The following TCF12 variants were observed in gnomAD, a reference collection of about 807,000 sequenced individuals.
The protein encoded by TCF12 is DNA-binding protein HTF4.
Under a neutral mutation model 86.0 loss-of-function variants are expected in TCF12, and 45 were observed. That is an observed-to-expected ratio of 0.52 (90% CI 0.41 to 0.67). The LOEUF is 0.67. TCF12 is among the 30% of genes least tolerant of loss of function. TCF12 has a pLI of 0.00. For synonymous variants in TCF12, 330 were observed against 299.6 expected, an observed-to-expected ratio of 1.10 and a Z score of -1.05; for missense variants, 881 against 859.9, an observed-to-expected ratio of 1.02 and a Z score of -0.31.
At chr15:57,011,344 C>T (rs1305022363) in intron 3 of TCF12, among the ~76,000 whole-genome samples, 3 of 151,904 alleles carry the variant, frequency 2.0e-5, no homozygotes, top group South Asian at 2.1e-4. Context: ...GGGATCCACC[C>T]CCTCTTGTTC....
intron 5 of TCF12, among the ~76,000 whole-genome samples, chr15:57,100,281 G>GAA (rs2049635719): frequency 6.6e-6 from 1 of 152,162 alleles, no homozygotes; most frequent in Non-Finnish European, 1.5e-5. Context: ...TAGCTTTACA[G>GAA]TTCTGCTATA....
chr15:57,194,589 T>C (rs1320074812), intron 7 of TCF12, among the ~76,000 whole-genome samples: 1 of 152,196 alleles, frequency 6.6e-6, no homozygotes, highest in Non-Finnish European at 1.5e-5. Context: ...ACAAACTATT[T>C]AGGTGCTTTA....
intron 5 of TCF12, among the ~76,000 whole-genome samples, chr15:57,159,715 A>ATACGAAC (rs11281583): frequency 0.98 from 148,767 of 152,156 alleles, 72,814 homozygotes; most frequent in East Asian, 1. Flanking sequence ...AACCAGTCTA[A>ATACGAAC]TACTTAAATT....
intron 8 of TCF12, among the ~76,000 whole-genome samples, chr15:57,205,088 A>G (rs2057745869): frequency 6.6e-6 from 1 of 152,100 alleles, no homozygotes; most frequent in African/African-American, 2.4e-5. Flanking sequence ...GGAGGCGGGC[A>G]GATCACTTGA....
At chr15:57,276,014 C>T (rs1416405773) in intron 19 of TCF12, among the ~76,000 whole-genome samples, 3 of 152,182 alleles carry the variant, frequency 2.0e-5, no homozygotes, top group African/African-American at 7.2e-5. Context: ...TTTTTATTCC[C>T]CAGCAGATAA....
intron 3 of TCF12, among the ~76,000 whole-genome samples, chr15:57,048,513 G>A (rs1843671120): frequency 2.0e-5 from 3 of 151,938 alleles, no homozygotes; most frequent in South Asian, 4.2e-4. Context: ...TGCCCTCCTC[G>A]GCCTCCCAAA....
At chr15:56,942,216 G>T (rs2060809302) in intron 3 of TCF12, among the ~76,000 whole-genome samples, 1 of 152,264 alleles carries the variant, frequency 6.6e-6, no homozygotes, top group East Asian at 1.9e-4. Context: ...GTATTTTTAT[G>T]ATTTGAATGG....
At chr15:57,259,008 C>T (rs1338528634) in intron 16 of TCF12, among the ~76,000 whole-genome samples, 1 of 152,060 alleles carries the variant, frequency 6.6e-6, no homozygotes, top group African/African-American at 2.4e-5. Context: ...TATGTTTCAA[C>T]TGAATAGAAA....
chr15:57,253,114 A>G, intron 15 of TCF12, 148 bp from the exon 16 acceptor site: 2 of 743,110 alleles, frequency 2.7e-6, no homozygotes, highest in Non-Finnish European at 4.3e-6. Flanking sequence ...TTTGTTGTTG[A>G]TTTATAGTTC....
rs866271080 is a variant in TCF12, at chr15:57,150,889, T to C, written c.326-15513T>C. ...CCCCTCTGTCCCTTCCTTCCTTCCT[T>C]CCTTCCTTCCTTCCTTCCTTCCTTC... On this transcript the variant is annotated intron_variant, in intron 5 of 20. Transcript: ENST00000333725. Among the ~76,000 whole-genome samples the C allele has an allele frequency of 8.5e-3, 828 of 97,148 alleles. 25 individuals carry two copies. Among genetic ancestry groups the C allele is most frequent in the South Asian group, 0.014 (31 of 2,218 alleles). 63.7% of individuals were successfully genotyped at this position (97,148 alleles called of 152,430 possible). A position where few individuals can be genotyped will look rare whatever the true frequency, so the allele number is the denominator to read the frequency against.
chr15:56,932,241 TACTTC>T (rs2060278024), intron 3 of TCF12, among the ~76,000 whole-genome samples: 1 of 152,218 alleles, frequency 6.6e-6, no homozygotes, highest in African/African-American at 2.4e-5. Context: ...ATATGCTATT[TACTTC>T]ATAACTCTTG....
chr15:56,981,095 A>G (rs1200775593), intron 3 of TCF12, among the ~76,000 whole-genome samples: 1 of 152,250 alleles, frequency 6.6e-6, no homozygotes, highest in Non-Finnish European at 1.5e-5. Flanking sequence ...TGTAATAGTC[A>G]TGTGGGGGAC....
At chr15:56,994,700 T>G (rs964760027) in intron 3 of TCF12, among the ~76,000 whole-genome samples, 3 of 152,184 alleles carry the variant, frequency 2.0e-5, no homozygotes. Context: ...AAAAGAACTG[T>G]TTATAACTAG....
intron 8 of TCF12, among the ~76,000 whole-genome samples, chr15:57,210,397 T>A (rs1228023848): frequency 6.6e-6 from 1 of 151,774 alleles, no homozygotes; most frequent in Non-Finnish European, 1.5e-5. Flanking sequence ...ACATCTAACA[T>A]GCTTAAACTT....
At chr15:57,050,113 C>T (rs563285821) in intron 3 of TCF12, among the ~76,000 whole-genome samples, 7 of 152,254 alleles carry the variant, frequency 4.6e-5, no homozygotes, top group Admixed American at 1.3e-4. Context: ...ATTCTGTATA[C>T]CTCTTCCTAT....
chr15:57,161,702 AAATT>A (rs2054515558), intron 5 of TCF12, among the ~76,000 whole-genome samples: 1 of 152,238 alleles, frequency 6.6e-6, no homozygotes, highest in Non-Finnish European at 1.5e-5. Flanking sequence ...TCTCTAAGTG[AAATT>A]TAGCATGGCC....
At chr15:57,136,461 C>G (rs2052528991) in intron 5 of TCF12, among the ~76,000 whole-genome samples, 1 of 152,048 alleles carries the variant, frequency 6.6e-6, no homozygotes, top group Admixed American at 6.5e-5. Flanking sequence ...AACAATAATT[C>G]CCATGATTTA....
intron 6 of TCF12, among the ~76,000 whole-genome samples, chr15:57,170,790 TAA>T (rs1567560148): frequency 1.1e-4 from 3 of 26,324 alleles, no homozygotes; most frequent in South Asian, 1.1e-3. Flanking sequence ...TATATATATA[TAA>T]TATATATATA....
intron 3 of TCF12, among the ~76,000 whole-genome samples, chr15:56,978,123 C>T (rs1426065021): frequency 1.3e-5 from 2 of 152,146 alleles, no homozygotes; most frequent in Admixed American, 6.5e-5. Flanking sequence ...TCATTTGGAA[C>T]CTTATGTCTT....
Sources: gnomAD v4.1 joint callset for allele counts (sites outside exome capture counted in the v4.1 genomes callset) on GRCh38, gnomAD v4.1.1 for gene constraint, MANE v1.5 for transcripts, NCBI Gene and HGNC (gene_info 2026-07-23, HGNC 2026-07-21) for gene names.